Variants in CAPZB observed in about 807,000 individuals in gnomAD.
The protein encoded by CAPZB is capping actin protein of muscle Z-line subunit beta, also known as F-actin-capping protein subunit beta.
A neutral mutation model predicts 38.1 loss-of-function variants in CAPZB; 2 were observed. That is an observed-to-expected ratio of 0.05 (90% CI 0.02 to 0.17). The LOEUF (loss-of-function observed/expected upper bound fraction) is 0.17, where lower values mean the gene tolerates loss of function less well. Ranked by LOEUF, CAPZB falls within the 10% of genes least tolerant of loss-of-function variation. CAPZB has a pLI of 1.00. For synonymous variants in CAPZB, 107 were observed against 127.4 expected, an observed-to-expected ratio of 0.84 and a Z score of 1.08; for missense variants, 161 against 334.2, an observed-to-expected ratio of 0.48 and a Z score of 4.04.
chr1:19,381,011 T>C (rs1160140070), intron 3 of CAPZB, among the ~76,000 whole-genome samples: 2 of 151,802 alleles, frequency 1.3e-5, no homozygotes, highest in African/African-American at 4.8e-5. Flanking sequence ...CTACTAAACA[T>C]ACAAAAAATT....
chr1:19,444,742 GTATTT>G (rs563490500), intron 1 of CAPZB, among the ~76,000 whole-genome samples: 21 of 152,222 alleles, frequency 1.4e-4, no homozygotes, highest in African/African-American at 4.8e-4. Flanking sequence ...ACAAATTTTT[GTATTT>G]TATTTTTATT....
intron 4 of CAPZB, among the ~76,000 whole-genome samples, chr1:19,372,529 T>C (rs764095090): frequency 6.6e-6 from 1 of 152,222 alleles, no homozygotes; most frequent in Non-Finnish European, 1.5e-5. Flanking sequence ...TTGGGGTTCA[T>C]GGCAGCCCAC....
chr1:19,484,832 G>T, intron 1 of CAPZB: 1 of 310,552 alleles, frequency 3.2e-6, no homozygotes, highest in Non-Finnish European at 4.7e-6. Flanking sequence ...CATGGGCGGA[G>T]AAGAGGAGGT....
intron 1 of CAPZB, among the ~76,000 whole-genome samples, chr1:19,426,066 G>C (rs1430728863): frequency 6.6e-6 from 1 of 152,206 alleles, no homozygotes; most frequent in African/African-American, 2.4e-5. Context: ...CCAGGTGCGT[G>C]GAGGAGGAGG....
At chr1:19,386,837 C>T (rs2094206808) in intron 2 of CAPZB, among the ~76,000 whole-genome samples, 1 of 152,230 alleles carries the variant, frequency 6.6e-6, no homozygotes, top group African/African-American at 2.4e-5. Flanking sequence ...GTTTCTTATA[C>T]AGGGGACAGT....
At chr1:19,484,268 G>A in intron 1 of CAPZB, 2 of 1,611,982 alleles carry the variant, frequency 1.2e-6, no homozygotes, top group Non-Finnish European at 1.7e-6. Flanking sequence ...GGCTGCGCCT[G>A]CTTGGGTGCA....
intron 6 of CAPZB, among the ~76,000 whole-genome samples, chr1:19,351,574 A>T (rs757322749): frequency 3.3e-5 from 5 of 152,172 alleles, no homozygotes; most frequent in Non-Finnish European, 1.5e-5. Context: ...TCAGCCTCTC[A>T]AAGTGCTGGA....
intron 4 of CAPZB, among the ~76,000 whole-genome samples, chr1:19,368,454 G>C (rs2094101888): frequency 6.7e-6 from 1 of 150,352 alleles, no homozygotes; most frequent in African/African-American, 2.5e-5. Context: ...AGACCAGCCT[G>C]GGCAACAGAG....
intron 1 of CAPZB, among the ~76,000 whole-genome samples, chr1:19,434,148 G>A (rs940437540): frequency 2.6e-5 from 4 of 152,164 alleles, no homozygotes; most frequent in African/African-American, 4.8e-5. Flanking sequence ...TTTGGGCTTC[G>A]ATTTTCCAGA....
At chr1:19,361,070 C>T (rs563977564) in intron 4 of CAPZB, among the ~76,000 whole-genome samples, 16 of 152,290 alleles carry the variant, frequency 1.1e-4, no homozygotes, top group African/African-American at 3.9e-4. Flanking sequence ...TGGCTTTTTA[C>T]ACTTGGCACA....
At position 19,433,814 on chromosome 1, in the gene CAPZB, G is replaced by T. The variant is rs907382036; in HGVS notation, c.4-14064C>A. The stretch of plus-strand genomic sequence containing the variant: ...CAGATGCCTGTGTGTGACTCAATAT[G>T]GAAGACTCTATCAAATCTCTATTTG... On this transcript the variant is annotated intron_variant, in intron 1 of 8. Coordinates refer to ENST00000264202, the MANE Select transcript of CAPZB (RefSeq NM_004930.5). Among the ~76,000 whole-genome samples, 4 of 152,108 alleles carry T rather than the reference G, an allele frequency of 2.6e-5. No individual in the cohort carries two copies. In the East Asian group the frequency reaches 7.7e-4, roughly 29 times the overall value.
chr1:19,416,860 CAAAAAA>C lies in CAPZB; in HGVS notation c.93+2795_93+2800del, dbSNP rs59789230. 0.016 allele frequency among the ~76,000 whole-genome samples: 1,130 copies of C among 69,404 alleles called. 49 individuals carry two copies. The East Asian group carries it at 0.19, about 12-fold the overall frequency. The allele number at this position is 69,404 out of a possible 152,430, so 45.5% of individuals were successfully genotyped here. On this transcript the variant is annotated intron_variant, in intron 2 of 8. Coordinates refer to ENST00000264202, the MANE Select transcript of CAPZB (RefSeq NM_004930.5). ...TGGGTGACAGAGCAAGACCCTGTCTCAAAAAAAAAAAAAAAAAAAAAAAAAAAAGTA... is the reference window on the plus strand; with the variant it reads ...TGGGTGACAGAGCAAGACCCTGTCTCAAAAAAAAAAAAAAAAAAAAAAGTA...
intron 1 of CAPZB, among the ~76,000 whole-genome samples, chr1:19,441,098 G>T (rs531138753): frequency 6.6e-6 from 1 of 152,264 alleles, no homozygotes; most frequent in East Asian, 1.9e-4. Flanking sequence ...AACAGTTATA[G>T]CTGCTAAAAC....
At chr1:19,341,120 CA>C (rs1301752028) in intron 8 of CAPZB, among the ~76,000 whole-genome samples, 1 of 152,324 alleles carries the variant, frequency 6.6e-6, no homozygotes, top group Admixed American at 6.5e-5. Flanking sequence ...GACCTGGAAG[CA>C]AGCTGCATAC....
At chr1:19,379,125 G>A (rs1306953180) in intron 3 of CAPZB, among the ~76,000 whole-genome samples, 1 of 137,534 alleles carries the variant, frequency 7.3e-6, no homozygotes, top group Non-Finnish European at 1.6e-5. Context: ...TTAAGACAGA[G>A]TCTAGCTCTG....
chr1:19,348,619 G>C (rs574567738), intron 6 of CAPZB, among the ~76,000 whole-genome samples: 2 of 152,072 alleles, frequency 1.3e-5, no homozygotes, highest in South Asian at 2.1e-4. Flanking sequence ...GCAGAGGGGG[G>C]ACCGAGCAGT....
chr1:19,370,603 C>A (rs761529176), intron 4 of CAPZB, among the ~76,000 whole-genome samples: 1 of 152,148 alleles, frequency 6.6e-6, no homozygotes, highest in Non-Finnish European at 1.5e-5. Context: ...CAGATGCCCA[C>A]AAGGAAAGGA....
chr1:19,367,644 T>A (rs1053002314), intron 4 of CAPZB, among the ~76,000 whole-genome samples: 4 of 152,132 alleles, frequency 2.6e-5, no homozygotes, highest in Non-Finnish European at 5.9e-5. Context: ...ACGGGACAGG[T>A]ATTCAGCGGA....
At chr1:19,439,175 G>A (rs4911997) in intron 1 of CAPZB, among the ~76,000 whole-genome samples, 68,190 of 151,942 alleles carry the variant, frequency 0.45, 15,721 homozygotes, top group African/African-American at 0.55. Context: ...GAAGCAACAC[G>A]TCTCTTGGAA....
Sources: gnomAD v4.1 joint callset for allele counts (sites outside exome capture counted in the v4.1 genomes callset) on GRCh38, gnomAD v4.1.1 for gene constraint, MANE v1.5 for transcripts, NCBI Gene and HGNC (gene_info 2026-07-23, HGNC 2026-07-21) for gene names.